DMRT1: variants seen among roughly 807,000 people sequenced by gnomAD.
The protein encoded by DMRT1 is doublesex and mab-3 related transcription factor 1, also known as doublesex- and mab-3-related transcription factor 1.
In DMRT1, 7 loss-of-function variants were observed where a neutral mutation model predicts 32.3. The ratio of observed to expected loss-of-function variants is 0.22; its 90% CI spans 0.12 to 0.41. The LOEUF is 0.41. Among genes scored for constraint, DMRT1 ranks in the 10% least tolerant of loss-of-function variants. The pLI is 1.00. For missense variants in DMRT1, 625 were observed against 500.5 expected, an observed-to-expected ratio of 1.25 and a Z score of -2.37; for synonymous variants, 278 against 206.1, an observed-to-expected ratio of 1.35 and a Z score of -2.99.
intron 2 of DMRT1, among the ~76,000 whole-genome samples, chr9:880,458 G>A (rs1367998717): frequency 6.6e-6 from 1 of 151,842 alleles, no homozygotes; most frequent in Non-Finnish European, 1.5e-5. Context: ...TGGGCGTGGT[G>A]GCTTACACCT....
intron 4 of DMRT1, among the ~76,000 whole-genome samples, chr9:960,676 C>T (rs984290882): frequency 2.0e-5 from 3 of 152,190 alleles, no homozygotes; most frequent in Admixed American, 6.5e-5. Context: ...CTGAGGGGTA[C>T]GAGCTGGGCT....
chr9:908,380 C>T (rs1817853441), intron 3 of DMRT1, among the ~76,000 whole-genome samples: 2 of 152,114 alleles, frequency 1.3e-5, no homozygotes, highest in Admixed American at 1.3e-4. Flanking sequence ...ATCACTTGAG[C>T]CCACGAGATT....
At chr9:881,880 G>T (rs1478215143) in intron 2 of DMRT1, among the ~76,000 whole-genome samples, 2 of 152,216 alleles carry the variant, frequency 1.3e-5, no homozygotes, top group African/African-American at 4.8e-5. Context: ...GCTGGGAGGT[G>T]TTGATAGAGT....
intron 4 of DMRT1, among the ~76,000 whole-genome samples, chr9:923,069 C>T (rs529692727): frequency 1.3e-5 from 2 of 152,272 alleles, no homozygotes; most frequent in African/African-American, 4.8e-5. Context: ...TCACTGATAC[C>T]ATAGGCCTCT....
chr9:950,999 A>G (rs1400310518), intron 4 of DMRT1, among the ~76,000 whole-genome samples: 1 of 152,226 alleles, frequency 6.6e-6, no homozygotes, highest in Admixed American at 6.5e-5. Context: ...TACCAGGCAT[A>G]TTAGTTAGCT....
At position 965,681 on chromosome 9, in the gene DMRT1, A is replaced by G. The variant is rs1819910006; in HGVS notation, c.968-2304A>G. Among the ~76,000 whole-genome samples the G allele has an allele frequency of 6.6e-6, 1 of 152,140 alleles. No homozygotes were observed. The highest frequency in any genetic ancestry group is 6.5e-5 in the Admixed American group (1 of 15,270). On this transcript the variant is annotated intron_variant, in intron 4 of 4. Coordinates refer to ENST00000382276, the MANE Select transcript of DMRT1 (RefSeq NM_021951.3). The surrounding 1 kb of genome is among the most constrained non-coding windows in gnomAD (Gnocchi z 4.5). ...TGGGAGAACACATACCTATTCCTTT[A>G]CAAGCCTCTGCATCAGCTTGGCAAA...
chr9:857,625 T>C (rs141040452), intron 2 of DMRT1, among the ~76,000 whole-genome samples: 1 of 151,608 alleles, frequency 6.6e-6, no homozygotes, highest in Non-Finnish European at 1.5e-5. Context: ...TGTGAGTTTC[T>C]TTTTTTTTCT....
At position 920,881 on chromosome 9, in the gene DMRT1, C is replaced by G. The variant is rs535181968; in HGVS notation, c.967+3974C>G. Among the ~76,000 whole-genome samples, 15 of 152,086 alleles carry G rather than the reference C, an allele frequency of 9.9e-5. No individual in the cohort carries two copies. In the South Asian group the frequency reaches 3.1e-3, roughly 32 times the overall value. Reference sequence around the variant, plus strand: ...GGTCTGGGAGTGCTTTGTTACTTGTCTAAGAGGGGAGATAAGAAATAGAGA... The same window carrying G: ...GGTCTGGGAGTGCTTTGTTACTTGTGTAAGAGGGGAGATAAGAAATAGAGA... On this transcript the variant is annotated intron_variant, in intron 4 of 4. Coordinates refer to ENST00000382276, the MANE Select transcript of DMRT1 (RefSeq NM_021951.3).
chr9:877,210 C>CT (rs1816540755), intron 2 of DMRT1, among the ~76,000 whole-genome samples: 1 of 152,222 alleles, frequency 6.6e-6, no homozygotes, highest in African/African-American at 2.4e-5. Flanking sequence ...GAATCACCTT[C>CT]TTTTAATGTC....
chr9:967,133 C>T (rs1043189073), intron 4 of DMRT1, among the ~76,000 whole-genome samples: 1 of 152,174 alleles, frequency 6.6e-6, no homozygotes, highest in Non-Finnish European at 1.5e-5. Context: ...ACTGCAGCTT[C>T]CCCTTAATTA....
chr9:929,436 C>A (rs1439568343), intron 4 of DMRT1, among the ~76,000 whole-genome samples: 2 of 152,052 alleles, frequency 1.3e-5, no homozygotes, highest in Non-Finnish European at 2.9e-5. Flanking sequence ...GAGGGCAATG[C>A]TAATCATGCT....
chr9:860,441 A>C (rs1406448710), intron 2 of DMRT1, among the ~76,000 whole-genome samples: 1 of 152,226 alleles, frequency 6.6e-6, no homozygotes, highest in Non-Finnish European at 1.5e-5. Flanking sequence ...CTGTCTGAGC[A>C]AGATTTCCTC....
chr9:902,730 C>A (rs1817637092), intron 3 of DMRT1, among the ~76,000 whole-genome samples: 1 of 151,990 alleles, frequency 6.6e-6, no homozygotes, highest in Non-Finnish European at 1.5e-5. Context: ...CTCGAGTGAT[C>A]CGCCCACCTC....
chr9:850,540 A>C (rs866888942), intron 2 of DMRT1, among the ~76,000 whole-genome samples: 10 of 152,324 alleles, frequency 6.6e-5, no homozygotes, highest in Admixed American at 1.3e-4. Context: ...TCTAACCCCA[A>C]CCTGCAGGTC....
intron 3 of DMRT1, among the ~76,000 whole-genome samples, chr9:898,972 A>T (rs61603678): frequency 0.14 from 20,675 of 152,108 alleles, 2,807 homozygotes; most frequent in African/African-American, 0.34. Flanking sequence ...GTTTTCAGTA[A>T]AGAAATCTTT....
intron 3 of DMRT1, 114 bp downstream of exon 3, chr9:894,309 AC>A: frequency 1.8e-6 from 2 of 1,104,948 alleles, no homozygotes; most frequent in Non-Finnish European, 2.7e-6. Context: ...AGAGGCACAC[AC>A]AGGTGACACA....
At position 934,831 on chromosome 9, in the gene DMRT1, C is replaced by A. The variant is rs10977622; in HGVS notation, c.967+17924C>A. Reference sequence around the variant, plus strand: ...TTTGACACTTTCGATGACTGTGGCCCTTTTCTGTGAGCATCAGAGAACACC... The same window carrying A: ...TTTGACACTTTCGATGACTGTGGCCATTTTCTGTGAGCATCAGAGAACACC... On this transcript the variant is annotated intron_variant, in intron 4 of 4. Transcript: ENST00000382276. Among the ~76,000 whole-genome samples the A allele has an allele frequency of 5.6e-3, 855 of 152,196 alleles. 9 individuals are homozygous for A. The highest frequency in any genetic ancestry group is 0.038 in the East Asian group (198 of 5,174).
intron 4 of DMRT1, among the ~76,000 whole-genome samples, chr9:960,822 A>G (rs1019537007): frequency 1.3e-5 from 2 of 152,180 alleles, no homozygotes; most frequent in African/African-American, 4.8e-5. Context: ...TGCCTCTTCG[A>G]GCTCAAGAAA....
intron 4 of DMRT1, among the ~76,000 whole-genome samples, chr9:943,028 G>T (rs1819127674): frequency 6.6e-6 from 1 of 151,838 alleles, no homozygotes; most frequent in African/African-American, 2.4e-5. Context: ...AAGTATACAG[G>T]ATATCTGTGT....
Sources: allele counts gnomAD v4.1 joint callset (sites outside exome capture counted in the v4.1 genomes callset), GRCh38; gene constraint gnomAD v4.1.1; non-coding constraint Gnocchi (gnomAD v3.1); transcripts MANE v1.5; gene names NCBI Gene and HGNC (gene_info 2026-07-23, HGNC 2026-07-21).